Variants in SPOCK1 observed in about 807,000 individuals in gnomAD.
SPOCK1 encodes SPARC (osteonectin), cwcv and kazal like domains proteoglycan 1, also known as testican-1.
In SPOCK1, 23 loss-of-function variants were observed where a neutral mutation model predicts 55.3. The observed-to-expected ratio is 0.42, with a 90% CI of 0.30 to 0.59. SPOCK1 has a LOEUF of 0.59. SPOCK1 is among the 20% of genes least tolerant of loss of function. The pLI, the probability that SPOCK1 is intolerant of heterozygous loss-of-function variation, is 0.22. For missense variants in SPOCK1, 499 were observed against 552.5 expected, an observed-to-expected ratio of 0.90 and a Z score of 0.97; for synonymous variants, 226 against 221.0, an observed-to-expected ratio of 1.02 and a Z score of -0.20.
chr5:137,131,989 A>AAAAAAAAAAAAAT (rs1391176339), intron 4 of SPOCK1, among the ~76,000 whole-genome samples: 2 of 36,056 alleles, frequency 5.5e-5, no homozygotes, highest in African/African-American at 3.7e-4. Flanking sequence ...AAAAAAAAAA[A>AAAAAAAAAAAAAT]ATATATATAT....
intron 6 of SPOCK1, among the ~76,000 whole-genome samples, chr5:137,021,955 GA>G (rs1300194031): frequency 6.6e-6 from 1 of 151,960 alleles, no homozygotes; most frequent in Admixed American, 6.6e-5. Context: ...CAAATTTTTG[GA>G]AAAAAACTGT....
intron 5 of SPOCK1, among the ~76,000 whole-genome samples, chr5:137,100,403 G>A (rs905758440): frequency 6.6e-6 from 1 of 152,188 alleles, no homozygotes; most frequent in Non-Finnish European, 1.5e-5. Flanking sequence ...CAGGTGGCTG[G>A]ACTAGATAGC....
intron 2 of SPOCK1, among the ~76,000 whole-genome samples, chr5:137,381,216 G>A (rs1751457658): frequency 6.6e-6 from 1 of 152,184 alleles, no homozygotes; most frequent in Non-Finnish European, 1.5e-5. Context: ...TGGGTTCCCA[G>A]GGCCTTGGGC....
chr5:137,160,563 A>ATTATATATTATAT (rs1754516855), intron 3 of SPOCK1, among the ~76,000 whole-genome samples: 1 of 69,048 alleles, frequency 1.4e-5, no homozygotes, highest in East Asian at 7.6e-4. Flanking sequence ...TATATTATAT[A>ATTATATATTATAT]TTATATATTA....
chr5:137,262,910 C>T (rs1008882180), intron 3 of SPOCK1, among the ~76,000 whole-genome samples: 2 of 152,204 alleles, frequency 1.3e-5, no homozygotes, highest in Non-Finnish European at 2.9e-5. Flanking sequence ...TCAAGCACTT[C>T]CTATATGCCA....
chr5:137,114,011 A>G (rs1753526587), intron 4 of SPOCK1, among the ~76,000 whole-genome samples: 1 of 152,078 alleles, frequency 6.6e-6, no homozygotes. Flanking sequence ...TCTACCTCAA[A>G]CCTACTCTAG....
intron 2 of SPOCK1, among the ~76,000 whole-genome samples, chr5:137,275,964 C>T (rs925978897): frequency 6.6e-6 from 1 of 152,216 alleles, no homozygotes; most frequent in African/African-American, 2.4e-5. Context: ...CCCTAACCAG[C>T]CTCCCTGCCT....
At chr5:137,402,097 A>T (rs1292560528) in intron 2 of SPOCK1, among the ~76,000 whole-genome samples, 3 of 152,200 alleles carry the variant, frequency 2.0e-5, no homozygotes, top group African/African-American at 7.2e-5. Flanking sequence ...CTGTTCATGC[A>T]GATTTCACCT....
chr5:137,157,344 T>C (rs1754435942), intron 3 of SPOCK1, among the ~76,000 whole-genome samples: 1 of 152,260 alleles, frequency 6.6e-6, no homozygotes, highest in African/African-American at 2.4e-5. Context: ...TGATAACTTC[T>C]TTTTTAGCTT....
At chr5:137,226,965 G>T (rs187180337) in intron 3 of SPOCK1, among the ~76,000 whole-genome samples, 49 of 152,298 alleles carry the variant, frequency 3.2e-4, no homozygotes, top group Non-Finnish European at 4.9e-4. Flanking sequence ...ATAAATGAAT[G>T]CATGGATAGC....
At chr5:137,138,153 C>A (rs1754024162) in intron 4 of SPOCK1, among the ~76,000 whole-genome samples, 1 of 152,154 alleles carries the variant, frequency 6.6e-6, no homozygotes, top group East Asian at 1.9e-4. Flanking sequence ...CTTGCCAAGG[C>A]CACTTGGAAA....
At position 137,089,793 on chromosome 5, in the gene SPOCK1, A is replaced by C. The variant is rs542035078; in HGVS notation, c.475-21964T>G. On this transcript the variant is annotated intron_variant, in intron 5 of 10. Coordinates refer to ENST00000394945, the MANE Select transcript of SPOCK1 (RefSeq NM_004598.4). The stretch of plus-strand genomic sequence containing the variant: ...ATTGGAAATGTATTCTCAATTGAGA[A>C]TACATTTTTAGAAATTCACATTTCT... Among the ~76,000 whole-genome samples, 3 of 152,368 alleles carry C rather than the reference A, an allele frequency of 2.0e-5. No homozygotes were observed. The East Asian group carries it at 5.8e-4, about 29-fold the overall frequency.
chr5:137,397,943 A>G (rs1751891673), intron 2 of SPOCK1, among the ~76,000 whole-genome samples: 1 of 152,196 alleles, frequency 6.6e-6, no homozygotes, highest in Non-Finnish European at 1.5e-5. Flanking sequence ...TGAATGTTTG[A>G]AGAAAATTTC....
chr5:137,269,617 A>T (rs908335145), intron 2 of SPOCK1, among the ~76,000 whole-genome samples: 1 of 152,224 alleles, frequency 6.6e-6, no homozygotes, highest in Non-Finnish European at 1.5e-5. Context: ...GCTTCCACAC[A>T]CGGTGAGTAT....
chr5:137,060,457 G>T (rs1010803130), intron 6 of SPOCK1, among the ~76,000 whole-genome samples: 2 of 152,190 alleles, frequency 1.3e-5, no homozygotes, highest in African/African-American at 4.8e-5. Flanking sequence ...TGAGGGTTGA[G>T]TGTGGGAGGA....
intron 5 of SPOCK1, among the ~76,000 whole-genome samples, chr5:137,107,043 C>T (rs1326558218): frequency 6.6e-6 from 1 of 152,172 alleles, no homozygotes; most frequent in East Asian, 1.9e-4. Flanking sequence ...TGAACCATCG[C>T]TTCCCCAAGA....
At chr5:137,365,784 T>C (rs1681077777) in intron 2 of SPOCK1, among the ~76,000 whole-genome samples, 2 of 152,242 alleles carry the variant, frequency 1.3e-5, no homozygotes, top group African/African-American at 4.8e-5. Flanking sequence ...TTTCTATTAT[T>C]GATAGAAAAG....
At chr5:137,320,004 A>G (rs1757954867) in intron 2 of SPOCK1, among the ~76,000 whole-genome samples, 2 of 151,466 alleles carry the variant, frequency 1.3e-5, no homozygotes, top group East Asian at 3.9e-4. Context: ...CTTTATGAGA[A>G]CTCCAGAATT....
intron 5 of SPOCK1, among the ~76,000 whole-genome samples, chr5:137,073,115 A>G (rs545372893): frequency 3.7e-4 from 57 of 152,228 alleles, no homozygotes; most frequent in Non-Finnish European, 7.1e-4. Context: ...ACCTTATTGA[A>G]CATCCATAAA....
Sources: allele counts gnomAD v4.1 joint callset (sites outside exome capture counted in the v4.1 genomes callset), GRCh38; gene constraint gnomAD v4.1.1; transcripts MANE v1.5; gene names NCBI Gene and HGNC (gene_info 2026-07-23, HGNC 2026-07-21).